FAM171A1: variants seen among roughly 807,000 people sequenced by gnomAD.
FAM171A1 encodes the protein family with sequence similarity 171 member A1, also known as protein FAM171A1.
FAM171A1 carries 23 observed loss-of-function variants against 74.9 expected under a neutral mutation model. The observed-to-expected ratio is 0.31, with a 90% confidence interval of 0.22 to 0.44. The LOEUF (loss-of-function observed/expected upper bound fraction) is 0.44. FAM171A1 is among the 20% of genes least tolerant of loss of function. The pLI, the probability that FAM171A1 is intolerant of heterozygous loss-of-function variation, is 1.00. For synonymous variants in FAM171A1, 527 were observed against 505.7 expected (o/e 1.04, Z -0.57); for missense variants, 1,162 against 1,159.2 (o/e 1.00, Z -0.03).
intron 1 of FAM171A1, among the ~76,000 whole-genome samples, chr10:15,315,706 T>G (rs1835414141): frequency 6.6e-6 from 1 of 152,176 alleles, no homozygotes; most frequent in Non-Finnish European, 1.5e-5. Context: ...GCCATCGCCT[T>G]ACCTCCCTGG....
chr10:15,277,093 A>G (rs2131801122), intron 2 of FAM171A1, among the ~76,000 whole-genome samples: 1 of 152,340 alleles, frequency 6.6e-6, no homozygotes, highest in Middle Eastern at 3.4e-3. Context: ...AAAACAAATA[A>G]ATGCATTATA....
intron 3 of FAM171A1, among the ~76,000 whole-genome samples, chr10:15,270,338 C>A (rs938375101): frequency 3.3e-5 from 5 of 152,214 alleles, no homozygotes; most frequent in Non-Finnish European, 7.3e-5. Context: ...GGAGGAGCAT[C>A]TGCCATTGCT....
intron 2 of FAM171A1, among the ~76,000 whole-genome samples, chr10:15,283,361 T>A (rs1442694367): frequency 2.0e-5 from 3 of 152,196 alleles, no homozygotes; most frequent in Non-Finnish European, 4.4e-5. Flanking sequence ...CTGCTTAATA[T>A]CTCTCAGGTT....
rs932810108 is a variant in FAM171A1 at position 15,353,720 on chromosome 10, C to G, written c.97+17236G>C. 2.6e-5 allele frequency among the ~76,000 whole-genome samples: 4 copies of G among 152,228 alleles called. No homozygotes were observed. In the East Asian group the frequency reaches 5.8e-4, roughly 22 times the overall value. On this transcript the variant is annotated intron_variant, in intron 1 of 7. Coordinates refer to ENST00000378116, the MANE Select transcript of FAM171A1 (RefSeq NM_001010924.2). ...AGGAAAAAGGCAGCAGTGTAGACAG[C>G]AGGGGAAGAGTACCAGGTGCCACTG...
chr10:15,336,940 G>A lies in FAM171A1; in HGVS notation c.97+34016C>T, dbSNP rs1002626087. On this transcript the variant is annotated intron_variant, in intron 1 of 7. Transcript: ENST00000378116. ...GAGACAGGCTCTTGCCCTGCTGCCC[G>A]GCTGAGTACAGTGGTGTGATCACAA... Among the ~76,000 whole-genome samples, 7 of 151,134 alleles carry A rather than the reference G, an allele frequency of 4.6e-5. 1 individual carries two copies. Among genetic ancestry groups the A allele is most frequent in the Middle Eastern group, 3.4e-3 (1 of 292 alleles).
At chr10:15,285,354 T>C (rs1835023145) in intron 1 of FAM171A1, among the ~76,000 whole-genome samples, 1 of 152,210 alleles carries the variant, frequency 6.6e-6, no homozygotes, top group Non-Finnish European at 1.5e-5. Context: ...TTATTCTTTA[T>C]TCTAAAGGCA....
intron 1 of FAM171A1, among the ~76,000 whole-genome samples, chr10:15,297,380 C>CTTACACA (rs1835174230): frequency 6.6e-6 from 1 of 152,086 alleles, no homozygotes; most frequent in Non-Finnish European, 1.5e-5. Context: ...CTTGATAGAA[C>CTTACACA]TTACACATAA....
chr10:15,227,395 T>C (rs751394102), intron 5 of FAM171A1, among the ~76,000 whole-genome samples: 6 of 152,198 alleles, frequency 3.9e-5, no homozygotes, highest in Admixed American at 1.3e-4. Context: ...TTCTTTTTTG[T>C]TCTTTTGAGA....
intron 1 of FAM171A1, among the ~76,000 whole-genome samples, chr10:15,328,232 C>T (rs1835581765): frequency 6.6e-6 from 1 of 152,186 alleles, no homozygotes. Context: ...GCAACCTCCA[C>T]CTCCTGGGTT....
intron 1 of FAM171A1, among the ~76,000 whole-genome samples, chr10:15,287,907 C>T (rs887193102): frequency 1.3e-5 from 2 of 152,128 alleles, no homozygotes; most frequent in Admixed American, 1.3e-4. Context: ...TCTTTTATCC[C>T]TCACCCTCTC....
At chr10:15,256,686 G>A (rs1834584579) in intron 3 of FAM171A1, among the ~76,000 whole-genome samples, 1 of 152,134 alleles carries the variant, frequency 6.6e-6, no homozygotes, top group South Asian at 2.1e-4. Flanking sequence ...TTCTTAGTCT[G>A]GTCTTATTTT....
chr10:15,321,435 T>G (rs1386470370), intron 1 of FAM171A1, among the ~76,000 whole-genome samples: 1 of 152,204 alleles, frequency 6.6e-6, no homozygotes, highest in Non-Finnish European at 1.5e-5. Context: ...AAGTCCACAG[T>G]GTCAAAACAC....
rs1834584762 is a variant in FAM171A1, at chr10:15,256,701, C to T, written c.419-1822G>A. Among the ~76,000 whole-genome samples, 5 of 152,272 alleles carry T rather than the reference C, an allele frequency of 3.3e-5. No individual in the cohort carries two copies. The South Asian group carries it at 1.0e-3, about 32-fold the overall frequency. The stretch of plus-strand genomic sequence containing the variant: ...TTCTTAGTCTGGTCTTATTTTCCCT[C>T]GATGTTACAGAATACCGATGTCTTA... On this transcript the variant is annotated intron_variant, in intron 3 of 7. Coordinates refer to ENST00000378116, the MANE Select transcript of FAM171A1 (RefSeq NM_001010924.2).
Position 15,226,936 on chromosome 10 carries a change from C to T in FAM171A1, c.755-5876G>A, listed in dbSNP as rs532507993. Among the ~76,000 whole-genome samples, 258 of 152,278 alleles carry T rather than the reference C, an allele frequency of 1.7e-3. 1 individual carries two copies. The highest frequency in any genetic ancestry group is 5.8e-3 in the African/African-American group (241 of 41,540). ...GGAAACACACAACCTTATTACAGTT[C>T]TGTCTGAAATAAGATACACAGGCAG... is the stretch of plus-strand genomic sequence containing the variant. On this transcript the variant is annotated intron_variant, in intron 5 of 7. Transcript: ENST00000378116.
intron 1 of FAM171A1, among the ~76,000 whole-genome samples, chr10:15,303,818 C>T (rs546504914): frequency 1.3e-5 from 2 of 152,314 alleles, no homozygotes; most frequent in South Asian, 2.1e-4. Flanking sequence ...GGATCAGTGA[C>T]GACGTGCCCA....
chr10:15,345,124 C>G (rs1198867913), intron 1 of FAM171A1, among the ~76,000 whole-genome samples: 2 of 152,010 alleles, frequency 1.3e-5, no homozygotes, highest in African/African-American at 4.8e-5. Flanking sequence ...TTTTTTGCTT[C>G]TGTGGGAGGT....
intron 5 of FAM171A1, among the ~76,000 whole-genome samples, chr10:15,229,437 C>T (rs957020285): frequency 1.1e-4 from 17 of 151,048 alleles, no homozygotes; most frequent in Non-Finnish European, 2.5e-4. Flanking sequence ...CCACCATCAT[C>T]ACCATCGTCA....
intron 6 of FAM171A1, among the ~76,000 whole-genome samples, chr10:15,218,204 T>A (rs11259551): frequency 6.6e-5 from 10 of 151,928 alleles, no homozygotes; most frequent in African/African-American, 2.4e-4. Context: ...CTCAGCCTCC[T>A]GAGTACCTGG....
intron 2 of FAM171A1, among the ~76,000 whole-genome samples, chr10:15,281,441 A>G (rs1044405676): frequency 2.8e-4 from 42 of 152,236 alleles, no homozygotes; most frequent in Non-Finnish European, 4.3e-4. Flanking sequence ...ACAAGCTCAG[A>G]AAGTGCTGAT....
Sources: allele counts gnomAD v4.1 joint callset (sites outside exome capture counted in the v4.1 genomes callset), GRCh38; gene constraint gnomAD v4.1.1; transcripts MANE v1.5; gene names NCBI Gene and HGNC (gene_info 2026-07-23, HGNC 2026-07-21).